TIMELESS: variants seen among roughly 807,000 people sequenced by gnomAD.
TIMELESS encodes protein timeless homolog.
TIMELESS carries 124 observed loss-of-function variants against 164.3 expected under a neutral mutation model. The observed-to-expected ratio is 0.75, with a 90% CI of 0.65 to 0.88. The LOEUF (loss-of-function observed/expected upper bound fraction) is 0.88, where lower values mean the gene tolerates loss of function less well. TIMELESS is among the 40% of genes least tolerant of loss of function. The pLI is 0.00. For missense variants in TIMELESS, 1,422 were observed against 1,491.4 expected (o/e 0.95, Z 0.77); for synonymous variants, 564 against 563.4 (o/e 1.00, Z -0.02).
At position 56,418,222 on chromosome 12, in the gene TIMELESS, A is replaced by G; in HGVS notation, c.3366T>C (p.Asp1122=). The G allele has an allele frequency of 4.3e-6, 7 of 1,614,154 alleles. No individual in the cohort carries two copies. The highest frequency in any genetic ancestry group is 5.9e-6 in the Non-Finnish European group (7 of 1,180,006). The change falls in exon 27 of 29, where the codon GAT becomes GAC. Residue 1122 remains aspartate, a synonymous_variant. Coordinates refer to ENST00000553532, the MANE Select transcript of TIMELESS (RefSeq NM_003920.5). ...CTCGGTGCTCTTTACAGTGCTCCTC[A>G]TCAGAGCCTTGCTCTCCAGGGACTT... ...QPKVPGEQGS[D]EEHCKEHRAQ...
intron 26 of TIMELESS, among the ~76,000 whole-genome samples, chr12:56,418,940 C>T (rs939008627): frequency 6.6e-6 from 1 of 151,034 alleles, no homozygotes; most frequent in Non-Finnish European, 1.5e-5. Flanking sequence ...ATGATCCTTG[C>T]TATCAAATAA....
intron 1 of TIMELESS, among the ~76,000 whole-genome samples, chr12:56,444,741 CATAAA>C (rs1194028608): frequency 6.6e-6 from 1 of 151,954 alleles, no homozygotes; most frequent in Non-Finnish European, 1.5e-5. Context: ...AAAAATCCAA[CATAAA>C]ATAAAACTTT....
chr12:56,418,232 T>G lies in TIMELESS; in HGVS notation c.3356A>C (p.Gln1119Pro). Reference protein sequence around the residue: ...PELQPKVPGEQGSDEEHCKEH... With the variant: ...PELQPKVPGEPGSDEEHCKEH... ...TTTACAGTGCTCCTCATCAGAGCCT[T>G]GCTCTCCAGGGACTTTAGGCTGCAG... The change falls in exon 27 of 29, where the codon CAA (glutamine) becomes CCA (proline). Residue 1119 changes from glutamine (Q) to proline (P), a missense_variant. Gln to Pro is a moderately conservative substitution (Grantham distance 76). Coordinates refer to ENST00000553532, the MANE Select transcript of TIMELESS (RefSeq NM_003920.5). The G allele has an allele frequency of 6.2e-7, 1 of 1,614,202 alleles. No individual in the cohort carries two copies. The highest frequency in any genetic ancestry group is 8.5e-7 in the Non-Finnish European group (1 of 1,180,038).
chr12:56,449,124 G>C (rs188308260), intron 1 of TIMELESS, among the ~76,000 whole-genome samples, 186 bp downstream of exon 1: 3 of 152,400 alleles, frequency 2.0e-5, no homozygotes, highest in Non-Finnish European at 2.9e-5. Context: ...TGAGACCCGG[G>C]AACGCGGCGC....
intron 10 of TIMELESS, among the ~76,000 whole-genome samples, 193 bp from the exon 11 acceptor site, chr12:56,429,293 G>A (rs1881789471): frequency 6.6e-6 from 1 of 151,770 alleles, no homozygotes; most frequent in African/African-American, 2.4e-5. Context: ...CCACCTCCTG[G>A]GTTCAAGCGA....
chr12:56,433,922 G>A lies in TIMELESS; in HGVS notation c.102C>T (p.Ser34=), dbSNP rs773925632. Reference sequence around the variant, plus strand: ...TCAAATAGCGGATCAGATCCTTCACGCTCTCTTCAGAGACAGAACAAAACA... The same window carrying A: ...TCAAATAGCGGATCAGATCCTTCACACTCTCTTCAGAGACAGAACAAAACA... ...TYHKEPDCLE[S]VKDLIRYLRH... is the part of the protein sequence containing the mutation. Residue 34 remains serine (S), a synonymous_variant, in exon 3 of 29, where the codon AGC becomes AGT. Coordinates refer to ENST00000553532, the MANE Select transcript of TIMELESS (RefSeq NM_003920.5). The A allele has an allele frequency of 5.6e-6, 9 of 1,614,010 alleles. No homozygotes were observed. The East Asian group carries it at 6.7e-5, about 12-fold the overall frequency.
intron 18 of TIMELESS, 107 bp from the exon 19 acceptor site, chr12:56,423,099 T>C: frequency 2.1e-6 from 3 of 1,441,008 alleles, no homozygotes; most frequent in African/African-American, 2.8e-5. Flanking sequence ...CCCTCCTCAC[T>C]CACTCTCTTC....
At position 56,433,111 on chromosome 12, in the gene TIMELESS, T is replaced by TGCCGTTCCTCCC. The variant is rs1412277310; in HGVS notation, c.434_445dup (p.Arg148_Gln149insArgGluGluArg). The TGCCGTTCCTCCC allele has an allele frequency of 6.2e-7, 1 of 1,614,128 alleles. No homozygotes were observed. The highest frequency in any genetic ancestry group is 2.2e-5 in the East Asian group (1 of 44,886). On this transcript the variant is annotated inframe_insertion, in exon 6 of 29. Transcript: ENST00000553532. Reference sequence around the variant, plus strand: ...TTCAATCAGCAAGTTGTCTTCCTCCTGCCGTTCCTCCCAGCCCTAACCAGA... The same window carrying TGCCGTTCCTCCC: ...TTCAATCAGCAAGTTGTCTTCCTCCTGCCGTTCCTCCCGCCGTTCCTCCCAGCCCTAACCAGA...
At position 56,421,911 on chromosome 12, in the gene TIMELESS, T is replaced by C. The variant is rs1362318641; in HGVS notation, c.2630A>G (p.Lys877Arg). 2 of 1,614,204 alleles carry C rather than the reference T, an allele frequency of 1.2e-6. No individual in the cohort carries two copies. The highest frequency in any genetic ancestry group is 1.7e-5 in the Admixed American group (1 of 60,030). The change falls in exon 21 of 29, where the codon AAG becomes AGG. Residue 877 changes from lysine to arginine, a missense_variant. Lys to Arg is a conservative substitution (Grantham distance 26). Coordinates refer to ENST00000553532, the MANE Select transcript of TIMELESS (RefSeq NM_003920.5). ...LVQMGLADSV[K>R]DFQRKGTHIV... The stretch of plus-strand genomic sequence containing the variant: ...TGTGCCTCTCTACCTTTGGAAGTCC[T>C]TGACACTGTCAGCCAGTCCCATCTG...
In TIMELESS at chr12:56,433,403, G is replaced by C. The variant is rs745652301; in HGVS notation, c.407C>G (p.Thr136Ser). ...SEKAFGVLSE[T>S]LYELLQLGWE... ...CACCAGCTGCAGCAGCTCATACAAG[G>C]TTTCACTGAGGACTCCAAAAGCCTT... Residue 136 changes from threonine to serine, a missense_variant, in exon 5 of 29, where the codon ACC (threonine) becomes AGC (serine). Coordinates refer to ENST00000553532, the MANE Select transcript of TIMELESS (RefSeq NM_003920.5). The C allele has an allele frequency of 6.2e-7, 1 of 1,614,138 alleles. No homozygotes were observed. The highest frequency in any genetic ancestry group is 1.7e-5 in the Admixed American group (1 of 60,018).
In TIMELESS at chr12:56,417,606, CTG is replaced by C; in HGVS notation, c.*108_*109del. 1 of 1,041,002 alleles carries C rather than the reference CTG, an allele frequency of 9.6e-7. No homozygotes were observed. 64.5% of individuals were successfully genotyped at this position (1,041,002 alleles called of 1,614,324 possible). A position where few individuals can be genotyped will look rare whatever the true frequency, so the allele number is the denominator to read the frequency against. Reference sequence around the variant, plus strand: ...ATCCGTGAAAGAGCCTGGGATTCTACTGCTCTGTCCAGTAAGAGGAGCTTCTG... The same window carrying C: ...ATCCGTGAAAGAGCCTGGGATTCTACCTCTGTCCAGTAAGAGGAGCTTCTG... On this transcript the variant is annotated 3_prime_UTR_variant, in exon 29 of 29. Transcript: ENST00000553532.
rs777316330 is a variant in TIMELESS, at chr12:56,423,373, C to A, written c.2193G>T (p.Arg731=). Residue 731 remains arginine, a synonymous_variant, in exon 18 of 29, where the codon CGG becomes CGT. Transcript: ENST00000553532. The part of the protein sequence containing the change: ...TNHCIVKMLH[R]LAHDLKMEAL... ...CTTCCATTTTGAGGTCATGGGCCAG[C>A]CGGTGCAGCATCTTCACAATGCAAT... 1 of 1,614,122 alleles carries A rather than the reference C, an allele frequency of 6.2e-7. No homozygotes were observed.
At position 56,417,643 on chromosome 12, in the gene TIMELESS, T is replaced by G; in HGVS notation, c.*73A>C. 6.8e-7 allele frequency: 1 copy of G among 1,462,138 alleles called. No homozygotes were observed. Among genetic ancestry groups the G allele is most frequent in the Non-Finnish European group, 9.6e-7 (1 of 1,042,710 alleles). 90.6% of individuals were successfully genotyped at this position (1,462,138 alleles called of 1,614,324 possible). ...GTAAGAGGAGCTTCTGGGTCCTGTATGACCCTTCCAACTCTGACTTGAATG... is the reference window on the plus strand; with the variant it reads ...GTAAGAGGAGCTTCTGGGTCCTGTAGGACCCTTCCAACTCTGACTTGAATG... On this transcript the variant is annotated 3_prime_UTR_variant, in exon 29 of 29. Transcript: ENST00000553532.
chr12:56,426,882 A>T (rs1370656010), intron 13 of TIMELESS, among the ~76,000 whole-genome samples: 1 of 152,030 alleles, frequency 6.6e-6, no homozygotes, highest in African/African-American at 2.4e-5. Context: ...ATACAAAGCA[A>T]AGTCTCTGTG....
At chr12:56,420,267 G>A (rs1240940755) in intron 26 of TIMELESS, among the ~76,000 whole-genome samples, 2 of 151,758 alleles carry the variant, frequency 1.3e-5, no homozygotes, top group Admixed American at 6.6e-5. Flanking sequence ...GTGGGCAGGG[G>A]GGTCCTGGAA....
chr12:56,433,230 A>T, intron 5 of TIMELESS, 103 bp from the exon 6 acceptor site: 1 of 1,419,128 alleles, frequency 7.0e-7, no homozygotes. Context: ...ATTAAAAAGA[A>T]AGAGTTCAAA....
chr12:56,432,382 A>G lies in TIMELESS; in HGVS notation c.674T>C (p.Met225Thr), dbSNP rs1565684925. The G allele has an allele frequency of 2.5e-6, 4 of 1,613,980 alleles. No individual in the cohort carries two copies. The highest frequency in any genetic ancestry group is 3.4e-6 in the Non-Finnish European group (4 of 1,179,826). Reference sequence around the variant, plus strand: ...CCAGGGTCTCACCTGGTCACGAAACATAAGGGAGACAATCTCTAGCACATG... The same window carrying G: ...CCAGGGTCTCACCTGGTCACGAAACGTAAGGGAGACAATCTCTAGCACATG... ...SLHVLEIVSL[M>T]FRDQNPEQLA... Residue 225 changes from methionine to threonine, a missense_variant, in exon 7 of 29, where the codon ATG (methionine) becomes ACG (threonine). Met to Thr is a moderately conservative substitution (Grantham distance 81). Transcript: ENST00000553532.
At chr12:56,425,388 TATA>T (rs775226933) in intron 13 of TIMELESS, among the ~76,000 whole-genome samples, 11 of 152,152 alleles carry the variant, frequency 7.2e-5, no homozygotes, top group Non-Finnish European at 1.3e-4. Context: ...GGATAAAAGC[TATA>T]ATGTGAGTGA....
intron 7 of TIMELESS, 98 bp from the exon 8 acceptor site, chr12:56,431,702 C>A: frequency 7.0e-7 from 1 of 1,429,792 alleles, no homozygotes. Flanking sequence ...AATAGAACCC[C>A]ATTAATGGGG....
Sources: allele counts gnomAD v4.1 joint callset (sites outside exome capture counted in the v4.1 genomes callset), GRCh38; gene constraint gnomAD v4.1.1; transcripts MANE v1.5; gene names NCBI Gene and HGNC (gene_info 2026-07-23, HGNC 2026-07-21).